Variants in ERC1 observed in about 807,000 individuals in gnomAD.
The protein encoded by ERC1 is ELKS/RAB6-interacting/CAST family member 1.
Under a neutral mutation model 132.0 loss-of-function variants are expected in ERC1, and 56 were observed. That is an observed-to-expected ratio of 0.42 (90% CI 0.34 to 0.53). The LOEUF (loss-of-function observed/expected upper bound fraction) is 0.53, where lower values mean the gene tolerates loss of function less well. Ranked by LOEUF, ERC1 falls within the 20% of genes least tolerant of loss-of-function variation. The pLI, the probability that ERC1 is intolerant of heterozygous loss-of-function variation, is 0.03. For missense variants in ERC1, 1,202 were observed against 1,349.9 expected (o/e 0.89, Z 1.72); for synonymous variants, 478 against 476.1 (o/e 1.00, Z -0.05).
At chr12:1,322,093 T>C (rs1456244032) in intron 15 of ERC1, among the ~76,000 whole-genome samples, 1 of 145,006 alleles carries the variant, frequency 6.9e-6, no homozygotes, top group Non-Finnish European at 1.5e-5. Flanking sequence ...AAGTTTGTGA[T>C]AGTAGATTGA....
At chr12:1,477,007 T>C (rs964460357) in intron 18 of ERC1, among the ~76,000 whole-genome samples, 1 of 152,178 alleles carries the variant, frequency 6.6e-6, no homozygotes, top group African/African-American at 2.4e-5. Flanking sequence ...GTATGAACAG[T>C]ATGATTTGAT....
At chr12:1,117,376 C>T (rs1403381175) in intron 7 of ERC1, among the ~76,000 whole-genome samples, 5 of 152,128 alleles carry the variant, frequency 3.3e-5, no homozygotes, top group African/African-American at 1.2e-4. Flanking sequence ...GAGATTTTAG[C>T]TGACATGTTT....
chr12:1,422,993 G>GT (rs778738826), intron 17 of ERC1, among the ~76,000 whole-genome samples: 8 of 152,166 alleles, frequency 5.3e-5, no homozygotes, highest in Non-Finnish European at 1.2e-4. Flanking sequence ...CAAACTCAGC[G>GT]TAATTTTGGT....
intron 15 of ERC1, among the ~76,000 whole-genome samples, chr12:1,328,662 C>T (rs1012407343): frequency 6.6e-6 from 1 of 151,756 alleles, no homozygotes; most frequent in Middle Eastern, 3.2e-3. Context: ...TCTCCCCCCT[C>T]CCCTTTTCTC....
intron 2 of ERC1, among the ~76,000 whole-genome samples, chr12:1,066,795 C>G (rs1305803035): frequency 2.0e-5 from 3 of 147,840 alleles, no homozygotes; most frequent in African/African-American, 7.7e-5. Context: ...TGAGATTGCG[C>G]CATTGTAGTC....
chr12:1,082,616 G>A (rs764517225), intron 2 of ERC1, among the ~76,000 whole-genome samples: 4 of 150,488 alleles, frequency 2.7e-5, no homozygotes, highest in South Asian at 2.1e-4. Context: ...TCAGCCTCCC[G>A]AGTAGCTCAG....
chr12:1,218,760 T>G (rs1334650163), intron 12 of ERC1, among the ~76,000 whole-genome samples: 4 of 151,934 alleles, frequency 2.6e-5, no homozygotes, highest in African/African-American at 4.8e-5. Flanking sequence ...TTTTGTGGTG[T>G]TTCTGATTCT....
intron 8 of ERC1, among the ~76,000 whole-genome samples, chr12:1,158,890 ATT>A (rs1240698643): frequency 3.9e-5 from 6 of 152,166 alleles, no homozygotes; most frequent in Non-Finnish European, 8.8e-5. Flanking sequence ...TTTAAAAACC[ATT>A]TCAGAGATAC....
At chr12:1,037,603 T>G (rs1218362159) in intron 2 of ERC1, among the ~76,000 whole-genome samples, 1 of 152,206 alleles carries the variant, frequency 6.6e-6, no homozygotes, top group Admixed American at 6.5e-5. Context: ...AATTATACTC[T>G]TAAGTATTTG....
At chr12:1,036,584 C>T (rs1373170099) in intron 2 of ERC1, among the ~76,000 whole-genome samples, 2 of 152,130 alleles carry the variant, frequency 1.3e-5, no homozygotes, top group African/African-American at 4.8e-5. Context: ...CCATGTTGGG[C>T]AGGCTGGTCT....
At chr12:994,030 C>CTGCACTCCA (rs957695208) in intron 1 of ERC1, among the ~76,000 whole-genome samples, 20 of 133,382 alleles carry the variant, frequency 1.5e-4, no homozygotes, top group South Asian at 2.4e-4. Flanking sequence ...GATTGCACCA[C>CTGCACTCCA]TGCACTCCAG....
chr12:1,492,172 T>A lies in ERC1; in HGVS notation c.*1942T>A, dbSNP rs180796373. 4.3e-6 allele frequency: 1 copy of A among 232,846 alleles called. No homozygotes were observed. Among genetic ancestry groups the A allele is most frequent in the African/African-American group, 2.2e-5 (1 of 45,332 alleles). The allele number at this position is 232,846 out of a possible 1,614,324, so 14.4% of individuals were successfully genotyped here. A position where few individuals can be genotyped will look rare whatever the true frequency, so the allele number is the denominator to read the frequency against. ...TTATCGAAGGTTAAATGGACTCTGC[T>A]CATAAACCTCTTACTGAGATGCTTC... is the stretch of plus-strand genomic sequence containing the variant. On this transcript the variant is annotated 3_prime_UTR_variant, in exon 19 of 19. Transcript: ENST00000360905.
chr12:1,393,453 G>A (rs770918313), intron 16 of ERC1, among the ~76,000 whole-genome samples: 1 of 152,286 alleles, frequency 6.6e-6, no homozygotes, highest in Middle Eastern at 3.4e-3. Context: ...AAGATCGCTT[G>A]AGCCCAGGTG....
intron 17 of ERC1, among the ~76,000 whole-genome samples, chr12:1,439,162 G>C (rs925970170): frequency 6.6e-6 from 1 of 152,074 alleles, no homozygotes; most frequent in Non-Finnish European, 1.5e-5. Flanking sequence ...CTGGACAGAC[G>C]CTTCACTCTG....
At chr12:1,112,067 A>G (rs1489563153) in intron 5 of ERC1, 148 bp from the exon 6 acceptor site, 4 of 570,836 alleles carry the variant, frequency 7.0e-6, no homozygotes, top group Non-Finnish European at 1.3e-5. Flanking sequence ...GAAACTACCT[A>G]TGGCTCTTTG....
At chr12:1,486,251 A>T (rs1204863703) in intron 18 of ERC1, among the ~76,000 whole-genome samples, 1 of 152,244 alleles carries the variant, frequency 6.6e-6, no homozygotes, top group East Asian at 1.9e-4. Flanking sequence ...TTGTTTGGAA[A>T]TGTGTTATAC....
At chr12:1,143,514 T>A (rs1593667312) in intron 8 of ERC1, among the ~76,000 whole-genome samples, 1 of 152,160 alleles carries the variant, frequency 6.6e-6, no homozygotes, top group East Asian at 1.9e-4. Context: ...TGTTTAAATT[T>A]TTGTGTTTTT....
intron 18 of ERC1, among the ~76,000 whole-genome samples, chr12:1,489,145 C>A (rs1337833163): frequency 6.6e-6 from 1 of 152,206 alleles, no homozygotes; most frequent in East Asian, 1.9e-4. Context: ...ACTCCCTGTG[C>A]CTTACATTCC....
At chr12:1,302,535 T>A (rs536246452) in intron 15 of ERC1, among the ~76,000 whole-genome samples, 12 of 152,292 alleles carry the variant, frequency 7.9e-5, no homozygotes, top group African/African-American at 2.9e-4. Context: ...CTAAAACGTA[T>A]GTATTCATAA....
Sources: gnomAD v4.1 joint callset for allele counts (sites outside exome capture counted in the v4.1 genomes callset) on GRCh38, gnomAD v4.1.1 for gene constraint, MANE v1.5 for transcripts, NCBI Gene and HGNC (gene_info 2026-07-23, HGNC 2026-07-21) for gene names.